EPHA6: variants seen among roughly 807,000 people sequenced by gnomAD.
EPHA6 encodes the protein ephrin type-A receptor 6.
Under a neutral mutation model 112.0 loss-of-function variants are expected in EPHA6, and 50 were observed. The observed-to-expected ratio is 0.45, with a 90% CI of 0.36 to 0.56. EPHA6 has a LOEUF of 0.56. Ranked by LOEUF, EPHA6 falls within the 20% of genes least tolerant of loss-of-function variation. The pLI is 0.00. For missense variants in EPHA6, 1,280 were observed against 1,417.4 expected (o/e 0.90, Z 1.56); for synonymous variants, 529 against 490.7 (o/e 1.08, Z -1.03).
chr3:97,518,776 G>A (rs2092489360), intron 10 of EPHA6, among the ~76,000 whole-genome samples: 1 of 151,916 alleles, frequency 6.6e-6, no homozygotes, highest in Non-Finnish European at 1.5e-5. Flanking sequence ...CCATTTTTAT[G>A]TCTTCTTTGC....
At chr3:97,384,145 C>T (rs1469564895) in intron 5 of EPHA6, among the ~76,000 whole-genome samples, 5 of 152,090 alleles carry the variant, frequency 3.3e-5, no homozygotes, top group South Asian at 2.1e-4. Flanking sequence ...TGTTGTCTTT[C>T]GTCCACAACA....
At chr3:97,118,086 TAATTTG>T (rs2047943753) in intron 3 of EPHA6, among the ~76,000 whole-genome samples, 2 of 151,812 alleles carry the variant, frequency 1.3e-5, no homozygotes, top group Admixed American at 6.6e-5. Context: ...TGAAATTCAT[TAATTTG>T]AATAAAATCA....
chr3:97,344,140 A>G (rs2083435106), intron 5 of EPHA6, among the ~76,000 whole-genome samples: 1 of 152,018 alleles, frequency 6.6e-6, no homozygotes, highest in South Asian at 2.1e-4. Flanking sequence ...TCTCACCCAT[A>G]TCTGATTTAG....
At chr3:96,913,182 A>T (rs547083062) in intron 2 of EPHA6, among the ~76,000 whole-genome samples, 35 of 141,128 alleles carry the variant, frequency 2.5e-4, no homozygotes, top group Non-Finnish European at 4.6e-4. Flanking sequence ...ACACACACAC[A>T]CACACACACA....
intron 11 of EPHA6, among the ~76,000 whole-genome samples, chr3:97,570,813 G>A (rs547834171): frequency 6.6e-6 from 1 of 152,224 alleles, no homozygotes; most frequent in South Asian, 2.1e-4. Flanking sequence ...AAGTTTTGAA[G>A]ATTTTTAAGA....
chr3:96,834,500 A>G (rs900461413), intron 1 of EPHA6, among the ~76,000 whole-genome samples: 1 of 152,006 alleles, frequency 6.6e-6, no homozygotes, highest in South Asian at 2.1e-4. Context: ...AAAGCTCAAG[A>G]CGTCGGAGTT....
At chr3:97,636,202 T>A (rs903066377) in intron 13 of EPHA6, among the ~76,000 whole-genome samples, 2 of 152,086 alleles carry the variant, frequency 1.3e-5, no homozygotes, top group African/African-American at 4.8e-5. Context: ...AGAATTATGA[T>A]AGGAGGCAAC....
At chr3:97,152,701 A>G (rs897731225) in intron 3 of EPHA6, among the ~76,000 whole-genome samples, 9 of 152,066 alleles carry the variant, frequency 5.9e-5, no homozygotes, top group African/African-American at 1.9e-4. Context: ...AAAGCCAACA[A>G]TGAGAATGGT....
intron 2 of EPHA6, among the ~76,000 whole-genome samples, chr3:96,927,850 A>G (rs553597862): frequency 6.6e-6 from 1 of 152,316 alleles, no homozygotes; most frequent in African/African-American, 2.4e-5. Context: ...TAAAGATACT[A>G]CCTGAGATCA....
chr3:97,579,022 A>G (rs2093413668), intron 11 of EPHA6, among the ~76,000 whole-genome samples: 1 of 152,182 alleles, frequency 6.6e-6, no homozygotes, highest in East Asian at 1.9e-4. Flanking sequence ...TTTCTCGACA[A>G]GCCTGTTCCA....
intron 7 of EPHA6, among the ~76,000 whole-genome samples, chr3:97,452,980 A>AT (rs1241873863): frequency 6.6e-6 from 1 of 151,782 alleles, no homozygotes; most frequent in Non-Finnish European, 1.5e-5. Context: ...TATTTGATAC[A>AT]TTTTAACAAT....
chr3:97,737,566 T>C (rs1312293335), intron 16 of EPHA6, among the ~76,000 whole-genome samples: 1 of 152,060 alleles, frequency 6.6e-6, no homozygotes, highest in East Asian at 1.9e-4. Context: ...GTTTCTTTCT[T>C]ATACAAGTTG....
chr3:96,856,608 C>T (rs1021599677), intron 1 of EPHA6, among the ~76,000 whole-genome samples: 16 of 152,036 alleles, frequency 1.1e-4, no homozygotes, highest in Non-Finnish European at 1.9e-4. Flanking sequence ...TACCTATATT[C>T]GAAAATTAAT....
intron 15 of EPHA6, among the ~76,000 whole-genome samples, chr3:97,722,932 A>T (rs1025346317): frequency 3.9e-5 from 6 of 152,128 alleles, no homozygotes; most frequent in Non-Finnish European, 8.8e-5. Context: ...AGTTATGTGG[A>T]CTATAACTCA....
At chr3:97,337,951 G>C (rs2083136071) in intron 5 of EPHA6, among the ~76,000 whole-genome samples, 1 of 152,066 alleles carries the variant, frequency 6.6e-6, no homozygotes, top group Non-Finnish European at 1.5e-5. Context: ...TGTTTTATTT[G>C]GCCATGCTAA....
intron 2 of EPHA6, among the ~76,000 whole-genome samples, chr3:96,878,775 A>G (rs1353725550): frequency 6.6e-6 from 1 of 152,044 alleles, no homozygotes; most frequent in East Asian, 1.9e-4. Flanking sequence ...TAAGATTTGA[A>G]ATCTCTAAGC....
intron 1 of EPHA6, among the ~76,000 whole-genome samples, chr3:96,837,725 ATAT>A (rs1289742355): frequency 1.5e-4 from 23 of 152,140 alleles, no homozygotes; most frequent in Non-Finnish European, 2.5e-4. Flanking sequence ...CATTTTGATT[ATAT>A]TATTAATACG....
At chr3:97,248,118 A>T (rs2079035013) in intron 5 of EPHA6, among the ~76,000 whole-genome samples, 1 of 152,054 alleles carries the variant, frequency 6.6e-6, no homozygotes, top group South Asian at 2.1e-4. Flanking sequence ...AATCACTTAG[A>T]ACCACTTAGA....
intron 10 of EPHA6, among the ~76,000 whole-genome samples, chr3:97,530,838 C>T (rs1445289447): frequency 3.3e-5 from 5 of 151,958 alleles, no homozygotes. Context: ...ATTTATTTTG[C>T]CTAAAAAATC....
Sources: allele counts gnomAD v4.1 joint callset (sites outside exome capture counted in the v4.1 genomes callset), GRCh38; gene constraint gnomAD v4.1.1; transcripts MANE v1.5; gene names NCBI Gene and HGNC (gene_info 2026-07-23, HGNC 2026-07-21).